Variants in DIAPH3 observed in about 807,000 individuals in gnomAD.
DIAPH3 encodes protein diaphanous homolog 3.
DIAPH3 carries 117 observed loss-of-function variants against 144.3 expected under a neutral mutation model. The observed-to-expected ratio is 0.81, with a 90% CI of 0.70 to 0.95. The LOEUF is 0.95. Ranked by LOEUF, DIAPH3 falls within the 40% of genes least tolerant of loss-of-function variation. The probability of loss-of-function intolerance (pLI) is 0.00; values close to 1 mark genes in which losing one functional copy is unlikely to be tolerated. For synonymous variants in DIAPH3, 519 were observed against 488.9 expected (o/e 1.06, Z -0.81); for missense variants, 1,421 against 1,412.7 (o/e 1.01, Z -0.09).
intron 22 of DIAPH3, among the ~76,000 whole-genome samples, chr13:59,844,235 A>G (rs1205797302): frequency 1.3e-5 from 2 of 152,058 alleles, no homozygotes; most frequent in African/African-American, 4.8e-5. Flanking sequence ...AGGTTCTTTG[A>G]GGTCAGGAAC....
At chr13:59,883,273 A>C (rs1235898721) in intron 20 of DIAPH3, among the ~76,000 whole-genome samples, 1 of 152,058 alleles carries the variant, frequency 6.6e-6, no homozygotes, top group Non-Finnish European at 1.5e-5. Context: ...TTTCACATAT[A>C]ATTTTATCCA....
chr13:60,112,859 A>G (rs1269618067), intron 2 of DIAPH3, among the ~76,000 whole-genome samples: 2 of 152,236 alleles, frequency 1.3e-5, no homozygotes, highest in Non-Finnish European at 2.9e-5. Context: ...AAAAGCATAG[A>G]TATTAGTTTA....
chr13:59,726,572 C>A (rs1183084904), intron 27 of DIAPH3, among the ~76,000 whole-genome samples: 1 of 152,110 alleles, frequency 6.6e-6, no homozygotes. Flanking sequence ...CAAGAATCCC[C>A]CAATCCTTTA....
chr13:59,994,305 T>C (rs896936666), intron 9 of DIAPH3, among the ~76,000 whole-genome samples: 2 of 151,984 alleles, frequency 1.3e-5, no homozygotes, highest in African/African-American at 4.8e-5. Flanking sequence ...TGTTTCTTTA[T>C]GGATAAATAA....
chr13:59,969,588 C>A (rs969022079), intron 17 of DIAPH3, among the ~76,000 whole-genome samples: 2 of 152,142 alleles, frequency 1.3e-5, no homozygotes, highest in African/African-American at 4.8e-5. Flanking sequence ...ATTCTAACTA[C>A]AAGAAAGCAC....
chr13:59,784,949 T>C (rs2038954420), intron 25 of DIAPH3, among the ~76,000 whole-genome samples: 1 of 152,158 alleles, frequency 6.6e-6, no homozygotes, highest in South Asian at 2.1e-4. Context: ...ATTATACAGC[T>C]TCTCTTGGTA....
At chr13:60,103,823 A>C (rs2058338250) in intron 3 of DIAPH3, among the ~76,000 whole-genome samples, 1 of 152,212 alleles carries the variant, frequency 6.6e-6, no homozygotes, top group South Asian at 2.1e-4. Flanking sequence ...ACATCATATA[A>C]GCACAATTTT....
intron 15 of DIAPH3, 83 bp downstream of exon 15, chr13:59,974,269 T>C: frequency 9.9e-7 from 1 of 1,013,374 alleles, no homozygotes; most frequent in Admixed American, 1.8e-5. Flanking sequence ...AGTTTAAACA[T>C]TTTGATGCTA....
At chr13:60,117,115 A>C (rs1252145547) in intron 2 of DIAPH3, among the ~76,000 whole-genome samples, 7 of 152,088 alleles carry the variant, frequency 4.6e-5, no homozygotes, top group Admixed American at 4.6e-4. Context: ...TCAATAACAT[A>C]ATTTGTAAAA....
chr13:60,095,567 G>C (rs2058082853), intron 3 of DIAPH3, among the ~76,000 whole-genome samples: 1 of 151,544 alleles, frequency 6.6e-6, no homozygotes, highest in Admixed American at 6.6e-5. Context: ...AATGAGGGCA[G>C]CTAGGGATTG....
At chr13:59,721,138 T>C (rs2035322847) in intron 27 of DIAPH3, among the ~76,000 whole-genome samples, 1 of 152,220 alleles carries the variant, frequency 6.6e-6, no homozygotes, top group Admixed American at 6.5e-5. Context: ...AGTTTACATA[T>C]ATAACACATA....
At chr13:60,055,117 G>A (rs1048644765) in intron 4 of DIAPH3, among the ~76,000 whole-genome samples, 2 of 151,650 alleles carry the variant, frequency 1.3e-5, no homozygotes, top group African/African-American at 4.8e-5. Flanking sequence ...ACATTAAAAA[G>A]CTTAAAATTA....
At chr13:60,023,902 C>CTGGA (rs2054203938) in intron 5 of DIAPH3, among the ~76,000 whole-genome samples, 1 of 121,952 alleles carries the variant, frequency 8.2e-6, no homozygotes, top group African/African-American at 3.2e-5. Flanking sequence ...GTCGCCCAGG[C>CTGGA]TGGAGTGCAA....
chr13:60,103,968 A>T (rs1250718752), intron 3 of DIAPH3, among the ~76,000 whole-genome samples: 1 of 151,424 alleles, frequency 6.6e-6, no homozygotes, highest in Non-Finnish European at 1.5e-5. Context: ...AGTGCCAAAT[A>T]AAAAAAAACA....
intron 22 of DIAPH3, among the ~76,000 whole-genome samples, chr13:59,847,753 T>C (rs1475721806): frequency 6.6e-6 from 1 of 152,228 alleles, no homozygotes; most frequent in East Asian, 1.9e-4. Flanking sequence ...CAAGTAAGAC[T>C]AGTTTTCACT....
chr13:60,014,834 T>C (rs1427033263), intron 7 of DIAPH3, among the ~76,000 whole-genome samples: 1 of 152,204 alleles, frequency 6.6e-6, no homozygotes, highest in Non-Finnish European at 1.5e-5. Context: ...GTTTAGATGC[T>C]GGAGCTTAAA....
intron 27 of DIAPH3, among the ~76,000 whole-genome samples, chr13:59,670,768 A>G (rs2032327826): frequency 6.6e-6 from 1 of 151,912 alleles, no homozygotes; most frequent in Non-Finnish European, 1.5e-5. Context: ...CATTTTTAGT[A>G]AAGACGGGGT....
At chr13:60,128,714 G>A (rs1394756239) in intron 2 of DIAPH3, among the ~76,000 whole-genome samples, 2 of 151,098 alleles carry the variant, frequency 1.3e-5, no homozygotes, top group African/African-American at 4.9e-5. Context: ...CCAATGTTTG[G>A]TTTTCTAGCT....
chr13:59,700,880 C>CA (rs1365884800), intron 27 of DIAPH3, among the ~76,000 whole-genome samples: 1 of 152,094 alleles, frequency 6.6e-6, no homozygotes, highest in Non-Finnish European at 1.5e-5. Flanking sequence ...GGTAATTTAT[C>CA]AAAAATCATT....
Sources: allele counts gnomAD v4.1 joint callset (sites outside exome capture counted in the v4.1 genomes callset), GRCh38; gene constraint gnomAD v4.1.1; transcripts MANE v1.5; gene names NCBI Gene and HGNC (gene_info 2026-07-23, HGNC 2026-07-21).